Variants in PRKCA observed in about 807,000 individuals in gnomAD.
The protein encoded by PRKCA is protein kinase C alpha type.
In PRKCA, 27 loss-of-function variants were observed where a neutral mutation model predicts 87.0. The observed-to-expected ratio is 0.31, with a 90% confidence interval of 0.23 to 0.43. The LOEUF is 0.43. PRKCA is among the 20% of genes least tolerant of loss of function. The pLI is 1.00. For missense variants in PRKCA, 518 were observed against 852.3 expected (o/e 0.61, Z 4.88); for synonymous variants, 329 against 311.1 (o/e 1.06, Z -0.61).
intron 2 of PRKCA, among the ~76,000 whole-genome samples, chr17:66,317,321 AG>A (rs1905375640): frequency 6.6e-6 from 1 of 152,180 alleles, no homozygotes; most frequent in Non-Finnish European, 1.5e-5. Flanking sequence ...GGGGTGCTGC[AG>A]TGTACTGGTA....
rs904382493 is a variant in PRKCA at position 66,462,514 on chromosome 17, T to G, written c.206-33687T>G. 1.4e-4 allele frequency among the ~76,000 whole-genome samples: 21 copies of G among 152,256 alleles called. 1 individual carries two copies. The highest frequency in any genetic ancestry group is 1.4e-3 in the Admixed American group (21 of 15,288). ...AAGGTACTTATTTATTTTTACAACC[T>G]TACATCTAGTTTCTGTGAACGTTTT... On this transcript the variant is annotated intron_variant, in intron 2 of 16. Transcript: ENST00000413366.
intron 2 of PRKCA, chr17:66,412,878 A>C (rs1258424090): frequency 6.6e-6 from 1 of 152,366 alleles, no homozygotes; most frequent in Non-Finnish European, 1.5e-5. Flanking sequence ...GTTCCCCAGC[A>C]GATACCAGCC....
chr17:66,791,487 C>T (rs912967493), intron 16 of PRKCA, among the ~76,000 whole-genome samples: 4 of 152,210 alleles, frequency 2.6e-5, no homozygotes, highest in African/African-American at 7.2e-5. Context: ...GACCCGTAGA[C>T]GCTGTGTTCA....
intron 3 of PRKCA, among the ~76,000 whole-genome samples, chr17:66,595,490 TGCTCTGTCACCCAG>T (rs909658671): frequency 6.5e-5 from 8 of 122,622 alleles, no homozygotes; most frequent in African/African-American, 2.5e-4. Flanking sequence ...GAGACAGTCT[TGCTCTGTCACCCAG>T]GCTGGAGTGC....
intron 8 of PRKCA, among the ~76,000 whole-genome samples, chr17:66,691,048 C>T (rs1442179678): frequency 6.6e-6 from 1 of 151,488 alleles, no homozygotes; most frequent in Non-Finnish European, 1.5e-5. Flanking sequence ...AACCTGGGCA[C>T]GAGAATCACT....
intron 2 of PRKCA, chr17:66,412,908 G>T (rs542763644): frequency 6.6e-6 from 1 of 152,250 alleles, no homozygotes; most frequent in Admixed American, 6.6e-5. Context: ...GGGAAGAACC[G>T]AGGCGTTCTT....
chr17:66,502,717 C>G (rs556413698), intron 3 of PRKCA, among the ~76,000 whole-genome samples: 1 of 152,024 alleles, frequency 6.6e-6, no homozygotes, highest in Non-Finnish European at 1.5e-5. Flanking sequence ...TGCAGTGGTG[C>G]GATCTCGGCT....
chr17:66,617,164 T>A (rs1437302006), intron 3 of PRKCA, among the ~76,000 whole-genome samples: 1 of 152,180 alleles, frequency 6.6e-6, no homozygotes, highest in Non-Finnish European at 1.5e-5. Flanking sequence ...TTCAGGGAAC[T>A]GTTTCATCTC....
chr17:66,679,174 C>CT (rs10714678), intron 5 of PRKCA, among the ~76,000 whole-genome samples: 10 of 121,052 alleles, frequency 8.3e-5, no homozygotes, highest in Non-Finnish European at 1.3e-4. Flanking sequence ...ACACTCACAC[C>CT]TTTTTTTTTT....
chr17:66,795,883 G>C (rs1470581093), intron 16 of PRKCA, among the ~76,000 whole-genome samples: 1 of 152,172 alleles, frequency 6.6e-6, no homozygotes, highest in African/African-American at 2.4e-5. Context: ...TACACACGTG[G>C]CTCTCACACC....
chr17:66,370,534 TTTTTC>T (rs1300303942), intron 2 of PRKCA, among the ~76,000 whole-genome samples: 222 of 150,760 alleles, frequency 1.5e-3, no homozygotes, highest in African/African-American at 4.9e-3. Flanking sequence ...GATACTATTT[TTTTTC>T]TTTTCTTTTC....
Position 66,393,314 on chromosome 17 carries a change from G to A in PRKCA, c.205+87187G>A, listed in dbSNP as rs144860408. On this transcript the variant is annotated intron_variant, in intron 2 of 16. Coordinates refer to ENST00000413366, the MANE Select transcript of PRKCA (RefSeq NM_002737.3). ...GAAGACACATCTTCGAGCAGCCCCAGCTTCTGATGATTTTGTTCATCTGGG... is the reference window on the plus strand; with the variant it reads ...GAAGACACATCTTCGAGCAGCCCCAACTTCTGATGATTTTGTTCATCTGGG... 1.5e-3 allele frequency among the ~76,000 whole-genome samples: 235 copies of A among 152,276 alleles called. 2 individuals are homozygous for A. The highest frequency in any genetic ancestry group is 5.5e-3 in the African/African-American group (227 of 41,558).
At chr17:66,522,650 CAAACTAG>C (rs1253921315) in intron 3 of PRKCA, among the ~76,000 whole-genome samples, 3 of 152,024 alleles carry the variant, frequency 2.0e-5, no homozygotes, top group Admixed American at 1.3e-4. Flanking sequence ...CTGCCCAAGG[CAAACTAG>C]AAGCATGCTT....
chr17:66,707,652 T>C (rs1447318826), intron 8 of PRKCA, among the ~76,000 whole-genome samples: 1 of 152,192 alleles, frequency 6.6e-6, no homozygotes, highest in East Asian at 1.9e-4. Flanking sequence ...ATCTACTCTG[T>C]GTCAAGCACT....
chr17:66,636,779 C>T (rs1314314012), intron 3 of PRKCA, among the ~76,000 whole-genome samples: 1 of 152,164 alleles, frequency 6.6e-6, no homozygotes, highest in East Asian at 1.9e-4. Flanking sequence ...TTTATTTCTG[C>T]TTTATAAATA....
In PRKCA at chr17:66,804,058, C is replaced by T. The variant is rs756908621; in HGVS notation, c.*21C>T. The T allele has an allele frequency of 8.2e-6, 13 of 1,592,372 alleles. No individual in the cohort carries two copies. The South Asian group carries it at 1.3e-4, about 16-fold the overall frequency. On this transcript the variant is annotated 3_prime_UTR_variant, in exon 17 of 17. Coordinates refer to ENST00000413366, the MANE Select transcript of PRKCA (RefSeq NM_002737.3). ...TATGAAACTCACCAGCGAGAACAAA[C>T]ACCTCCCCAGCCCCCAGCCCTCCCC...
At chr17:66,530,420 C>A (rs2144261627) in intron 3 of PRKCA, among the ~76,000 whole-genome samples, 1 of 152,270 alleles carries the variant, frequency 6.6e-6, no homozygotes, top group East Asian at 1.9e-4. Flanking sequence ...AATACTTGGG[C>A]AGAAAGAAAA....
At chr17:66,780,132 C>G (rs1416411339) in intron 14 of PRKCA, among the ~76,000 whole-genome samples, 1 of 152,032 alleles carries the variant, frequency 6.6e-6, no homozygotes, top group Non-Finnish European at 1.5e-5. Context: ...GGATGCCACA[C>G]CTGGGACGTT....
rs185188445 is a variant in PRKCA at position 66,648,341 on chromosome 17, G to A, written c.529+2830G>A. 9.2e-5 allele frequency among the ~76,000 whole-genome samples: 14 copies of A among 152,322 alleles called. No individual in the cohort carries two copies. In the East Asian group the frequency reaches 2.5e-3, roughly 27 times the overall value. ...TAGCAGCAGCTCACAGCTATTCAGT[G>A]CTTCCTCCACAGGACCGCTTTCTAA... On this transcript the variant is annotated intron_variant, in intron 5 of 16. Transcript: ENST00000413366.
Sources: gnomAD v4.1 joint callset for allele counts (sites outside exome capture counted in the v4.1 genomes callset) on GRCh38, gnomAD v4.1.1 for gene constraint, MANE v1.5 for transcripts, NCBI Gene and HGNC (gene_info 2026-07-23, HGNC 2026-07-21) for gene names.